LMF1: variants seen among roughly 807,000 people sequenced by gnomAD.
LMF1 encodes the protein lipase maturation factor 1.
A neutral mutation model predicts 60.6 loss-of-function variants in LMF1; 68 were observed. The observed-to-expected ratio is 1.12, with a 90% confidence interval of 0.92 to 1.37. The LOEUF (loss-of-function observed/expected upper bound fraction) is 1.37, where lower values mean the gene tolerates loss of function less well. LMF1 is among the 40% of genes most tolerant of loss of function. The pLI, the probability that LMF1 is intolerant of heterozygous loss-of-function variation, is 0.00. For synonymous variants in LMF1, 418 were observed against 324.7 expected, an observed-to-expected ratio of 1.29 and a Z score of -3.09; for missense variants, 948 against 767.2, an observed-to-expected ratio of 1.24 and a Z score of -2.78.
chr16:978,103 ACACACAC>A (rs1240111919), intron 1 of LMF1, among the ~76,000 whole-genome samples: 1 of 132,518 alleles, frequency 7.5e-6, no homozygotes, highest in Non-Finnish European at 1.5e-5. Context: ...ACACGGACAC[ACACACAC>A]CACACACCAT....
intron 1 of LMF1, chr16:976,487 G>C (rs748615026): frequency 1.1e-5 from 5 of 453,994 alleles, no homozygotes; most frequent in Non-Finnish European, 2.2e-5. Context: ...GGCCTCCCTC[G>C]ACGGAAGGTG....
At chr16:856,510 G>A (rs1168653230) in intron 10 of LMF1, among the ~76,000 whole-genome samples, 1 of 152,208 alleles carries the variant, frequency 6.6e-6, no homozygotes, top group Admixed American at 6.5e-5. Context: ...GGAGGGTGGG[G>A]ATCCTGGGAA....
At chr16:926,702 G>A (rs913456513) in intron 3 of LMF1, among the ~76,000 whole-genome samples, 1 of 152,222 alleles carries the variant, frequency 6.6e-6, no homozygotes, top group Non-Finnish European at 1.5e-5. Context: ...CCGGCACCAC[G>A]GCCCACACCC....
chr16:919,326 A>G (rs969641496), intron 3 of LMF1, among the ~76,000 whole-genome samples: 20 of 151,866 alleles, frequency 1.3e-4, no homozygotes, highest in Non-Finnish European at 2.4e-4. Context: ...AGTGGGCGGG[A>G]ATCACCCCAC....
intron 1 of LMF1, among the ~76,000 whole-genome samples, chr16:978,504 CG>C (rs1567351288): frequency 6.6e-6 from 1 of 152,196 alleles, no homozygotes; most frequent in Non-Finnish European, 1.5e-5. Flanking sequence ...TTCTTCTCTG[CG>C]GCTGTCCTTG....
At chr16:971,296 T>G (rs2073047876), upstream of LMF1, among the ~76,000 whole-genome samples, 1 of 152,192 alleles carries the variant, frequency 6.6e-6, no homozygotes, top group Non-Finnish European at 1.5e-5. Context: ...GTGCCTTCCG[T>G]CAGTCCGAGT....
chr16:890,327 C>G (rs932155136), intron 5 of LMF1, among the ~76,000 whole-genome samples: 4 of 152,240 alleles, frequency 2.6e-5, no homozygotes, highest in Non-Finnish European at 4.4e-5. Flanking sequence ...GGCCCCGTCC[C>G]AACTCAGCGG....
At chr16:906,258 C>T (rs569053733) in intron 4 of LMF1, among the ~76,000 whole-genome samples, 6 of 152,276 alleles carry the variant, frequency 3.9e-5, no homozygotes, top group Non-Finnish European at 1.5e-5. Flanking sequence ...ATGGTTAATA[C>T]TGAGTGTCAG....
chr16:877,319 T>G (rs2070020935), intron 6 of LMF1, among the ~76,000 whole-genome samples: 1 of 152,058 alleles, frequency 6.6e-6, no homozygotes, highest in Non-Finnish European at 1.5e-5. Context: ...AAAAACTGCC[T>G]CAAGTCAAGA....
At chr16:959,410 G>C (rs1021797262) in intron 1 of LMF1, among the ~76,000 whole-genome samples, 1 of 152,194 alleles carries the variant, frequency 6.6e-6, no homozygotes, top group Non-Finnish European at 1.5e-5. Flanking sequence ...CCAGGGGCTG[G>C]TGCAGGGGAA....
At chr16:940,048 A>C (rs2072054426) in intron 2 of LMF1, among the ~76,000 whole-genome samples, 1 of 152,168 alleles carries the variant, frequency 6.6e-6, no homozygotes, top group Admixed American at 6.5e-5. Context: ...GACAGACCAA[A>C]GGGGAGGAGG....
chr16:921,814 G>A lies in LMF1; in HGVS notation c.515-10735C>T, dbSNP rs1039118094. ...TGAACAGAACCTACGGCATCCAGGC[G>A]GTCCCCGTGCGGGTTTTACTATACA... On this transcript the variant is annotated intron_variant, in intron 3 of 10. Coordinates refer to ENST00000262301, the MANE Select transcript of LMF1 (RefSeq NM_022773.4). Among the ~76,000 whole-genome samples the A allele has an allele frequency of 2.6e-5, 4 of 152,274 alleles. No homozygotes were observed. The East Asian group carries it at 5.8e-4, about 22-fold the overall frequency.
intron 2 of LMF1, among the ~76,000 whole-genome samples, chr16:952,396 A>C (rs1470698553): frequency 3.3e-5 from 5 of 151,974 alleles, no homozygotes; most frequent in Admixed American, 6.5e-5. Context: ...CCCAGATCAG[A>C]GCAATCTGAG....
rs1244091598 is a variant in LMF1 at position 964,022 on chromosome 16, C to G, written c.193+6766G>C. 2.2e-5 allele frequency: 10 copies of G among 455,914 alleles called. No homozygotes were observed. In the East Asian group the frequency reaches 6.9e-4, roughly 32 times the overall value. 28.2% of individuals were successfully genotyped at this position (455,914 alleles called of 1,614,324 possible). The stretch of plus-strand genomic sequence containing the variant: ...CAGCAGAGCCATGGCGGCCACCCGC[C>G]TCTCACAGGGACCCAGAGCCTGACC... On this transcript the variant is annotated intron_variant, in intron 1 of 10. Transcript: ENST00000262301.
chr16:963,431 T>C (rs952940799), intron 1 of LMF1, among the ~76,000 whole-genome samples: 1 of 152,048 alleles, frequency 6.6e-6, no homozygotes, highest in African/African-American at 2.4e-5. Context: ...CATGTATACA[T>C]GTGCACCTGT....
At chr16:942,655 C>T (rs577417291) in intron 2 of LMF1, among the ~76,000 whole-genome samples, 2 of 139,230 alleles carry the variant, frequency 1.4e-5, no homozygotes, top group Non-Finnish European at 3.2e-5. Flanking sequence ...TATGTTAGAC[C>T]ACCTGGTGCT....
chr16:960,171 G>A (rs1372428618), intron 1 of LMF1, among the ~76,000 whole-genome samples: 2 of 152,236 alleles, frequency 1.3e-5, no homozygotes, highest in African/African-American at 2.4e-5. Flanking sequence ...CTGGGGCAGA[G>A]AAACAGAAGC....
At chr16:975,774 GGT>G, upstream of LMF1, 3 of 452,408 alleles carry the variant, frequency 6.6e-6, no homozygotes, top group South Asian at 3.1e-5. Flanking sequence ...ATTTTCACAG[GGT>G]GTGTTTTCAT....
chr16:943,298 G>A (rs1213904757), intron 2 of LMF1, among the ~76,000 whole-genome samples: 3 of 150,682 alleles, frequency 2.0e-5, no homozygotes, highest in African/African-American at 4.9e-5. Context: ...GTGAACCCAG[G>A]AGGTGGAGCT....
Sources: allele counts gnomAD v4.1 joint callset (sites outside exome capture counted in the v4.1 genomes callset), GRCh38; gene constraint gnomAD v4.1.1; transcripts MANE v1.5; gene names NCBI Gene and HGNC (gene_info 2026-07-23, HGNC 2026-07-21).